Variants in GHR observed in about 807,000 individuals in gnomAD.
GHR encodes growth hormone receptor, also known as GH receptor.
A neutral mutation model predicts 67.1 loss-of-function variants in GHR; 35 were observed. The ratio of observed to expected loss-of-function variants is 0.52; its 90% CI spans 0.40 to 0.69. The LOEUF is 0.69. GHR is among the 30% of genes least tolerant of loss of function. The pLI, the probability that GHR is intolerant of heterozygous loss-of-function variation, is 0.00. For synonymous variants in GHR, 272 were observed against 269.1 expected, an observed-to-expected ratio of 1.01 and a Z score of -0.10; for missense variants, 792 against 764.6, an observed-to-expected ratio of 1.04 and a Z score of -0.42.
intron 6 of GHR, among the ~76,000 whole-genome samples, chr5:42,706,931 T>A (rs1758204534): frequency 6.6e-6 from 1 of 152,134 alleles, no homozygotes; most frequent in East Asian, 1.9e-4. Context: ...AAAATTACAT[T>A]GATAATTTGA....
Position 42,694,957 on chromosome 5 carries a change from G to A in GHR, c.307G>A (p.Asp103Asn), listed in dbSNP as rs1180863009. 7 of 1,611,392 alleles carry A rather than the reference G, an allele frequency of 4.3e-6. No individual in the cohort carries two copies. The highest frequency in any genetic ancestry group is 5.9e-6 in the Non-Finnish European group (7 of 1,178,202). ...GACTCAAGAATGGAAAGAATGCCCTGATTATGTTTCTGCTGGGGAAAACAG... is the reference window on the plus strand; with the variant it reads ...GACTCAAGAATGGAAAGAATGCCCTAATTATGTTTCTGCTGGGGAAAACAG... The part of the protein sequence containing the change: ...EWTQEWKECP[D>N]YVSAGENSCY... Residue 103 changes from aspartate to asparagine, a missense_variant, in exon 5 of 10, where the codon GAT becomes AAT. Asp to Asn is a conservative substitution (Grantham distance 23). Transcript: ENST00000230882.
rs147761377 is a variant in GHR, at chr5:42,632,847, T to G, written c.136+3744T>G. Among the ~76,000 whole-genome samples the G allele has an allele frequency of 6.0e-4, 92 of 152,318 alleles. 1 individual carries two copies. The highest frequency in any genetic ancestry group is 2.1e-3 in the African/African-American group (88 of 41,574). Reference sequence around the variant, plus strand: ...ACAACTTTTTTATATTTTAAAGAAGTAATGCTATAATTTTACTACAAAGAA... The same window carrying G: ...ACAACTTTTTTATATTTTAAAGAAGGAATGCTATAATTTTACTACAAAGAA... On this transcript the variant is annotated intron_variant, in intron 3 of 9. Transcript: ENST00000230882.
In GHR at chr5:42,721,340, T is replaced by G. The variant is rs886060650; in HGVS notation, c.*1916T>G. On this transcript the variant is annotated 3_prime_UTR_variant, in exon 10 of 10. Transcript: ENST00000230882. ...TTAAAAAAGCTTAAAACTTTGAAGTTAGCTTTAACTTAAATAGTATTTCCC... is the reference window on the plus strand; with the variant it reads ...TTAAAAAAGCTTAAAACTTTGAAGTGAGCTTTAACTTAAATAGTATTTCCC... 4 of 152,250 alleles carry G rather than the reference T, an allele frequency of 2.6e-5. No homozygotes were observed. The South Asian group carries it at 8.3e-4, about 31-fold the overall frequency. The allele number at this position is 152,250 out of a possible 1,614,324, so 9.4% of individuals were successfully genotyped here. A position where few individuals can be genotyped will look rare whatever the true frequency, so the allele number is the denominator to read the frequency against.
At chr5:42,592,476 C>T (rs952184115) in intron 2 of GHR, among the ~76,000 whole-genome samples, 1 of 152,182 alleles carries the variant, frequency 6.6e-6, no homozygotes, top group Non-Finnish European at 1.5e-5. Context: ...TTTATGTGTA[C>T]TCAGTGTTTA....
chr5:42,437,491 T>C (rs1163106885), intron 1 of GHR, among the ~76,000 whole-genome samples: 1 of 151,902 alleles, frequency 6.6e-6, no homozygotes, highest in Non-Finnish European at 1.5e-5. Flanking sequence ...TCTGAGAAAA[T>C]TTAAGTTGAA....
chr5:42,425,582 T>G (rs910620805), intron 1 of GHR, among the ~76,000 whole-genome samples: 2 of 152,178 alleles, frequency 1.3e-5, no homozygotes, highest in African/African-American at 2.4e-5. Flanking sequence ...TCTTTTTCCT[T>G]TTGAGAAAAG....
intron 3 of GHR, among the ~76,000 whole-genome samples, chr5:42,660,430 A>G (rs1755525929): frequency 6.6e-6 from 1 of 152,212 alleles, no homozygotes; most frequent in African/African-American, 2.4e-5. Flanking sequence ...AGGAACGATC[A>G]GGCAGCAGCA....
At chr5:42,687,003 C>A (rs1277137277) in intron 3 of GHR, among the ~76,000 whole-genome samples, 8 of 152,122 alleles carry the variant, frequency 5.3e-5, no homozygotes, top group Non-Finnish European at 8.8e-5. Flanking sequence ...AATCAAAGTG[C>A]AAAAATCACA....
At chr5:42,560,444 G>A (rs1306928573) in intron 1 of GHR, among the ~76,000 whole-genome samples, 1 of 152,060 alleles carries the variant, frequency 6.6e-6, no homozygotes, top group Non-Finnish European at 1.5e-5. Flanking sequence ...CACCTGCCTC[G>A]GCCTCCCAAA....
intron 1 of GHR, among the ~76,000 whole-genome samples, chr5:42,464,934 T>C (rs13155002): frequency 0.021 from 3,170 of 152,346 alleles, 48 homozygotes; most frequent in Admixed American, 0.032. Context: ...TGCACTGGAA[T>C]ATATTTATTT....
Position 42,630,228 on chromosome 5 carries a change from T to C in GHR, c.136+1125T>C, listed in dbSNP as rs1753873294. On this transcript the variant is annotated intron_variant, in intron 3 of 9. Transcript: ENST00000230882. Reference sequence around the variant, plus strand: ...GAACTTTAAGGCAAAGCCTAAACTTTATGCTTCTTCTAAATCCCTTACATC... The same window carrying C: ...GAACTTTAAGGCAAAGCCTAAACTTCATGCTTCTTCTAAATCCCTTACATC... 2.3e-5 allele frequency among the ~76,000 whole-genome samples: 3 copies of C among 132,558 alleles called. 1 individual carries two copies. The highest frequency in any genetic ancestry group is 9.5e-5 in the African/African-American group (3 of 31,540). The allele number at this position is 132,558 out of a possible 152,430, so 87.0% of individuals were successfully genotyped here.
At chr5:42,548,404 T>G in intron 1 of GHR, 1 of 984,908 alleles carries the variant, frequency 1.0e-6, no homozygotes, top group African/African-American at 1.7e-5. Context: ...ACCAAATCAG[T>G]GTGATGTGAT....
At chr5:42,678,764 G>A (rs1412123750) in intron 3 of GHR, among the ~76,000 whole-genome samples, 1 of 151,754 alleles carries the variant, frequency 6.6e-6, no homozygotes, top group Non-Finnish European at 1.5e-5. Flanking sequence ...TTCTCAAACT[G>A]AAAGTAGTGA....
At chr5:42,643,175 AAAG>A (rs1368152839) in intron 3 of GHR, among the ~76,000 whole-genome samples, 3 of 152,182 alleles carry the variant, frequency 2.0e-5, no homozygotes, top group African/African-American at 7.2e-5. Flanking sequence ...ATTATCCTAT[AAAG>A]AATGTTGGCT....
chr5:42,618,601 A>G (rs891552524), intron 2 of GHR, among the ~76,000 whole-genome samples: 7 of 152,184 alleles, frequency 4.6e-5, no homozygotes, highest in Middle Eastern at 3.2e-3. Context: ...AAGATACAGC[A>G]TAAGACATAA....
At chr5:42,686,361 C>G (rs948038634) in intron 3 of GHR, among the ~76,000 whole-genome samples, 1 of 124,426 alleles carries the variant, frequency 8.0e-6, no homozygotes, top group Admixed American at 8.3e-5. Context: ...AGTATGAAGT[C>G]AGAGACACAA....
At chr5:42,426,589 T>C (rs1409052747) in intron 1 of GHR, among the ~76,000 whole-genome samples, 1 of 152,218 alleles carries the variant, frequency 6.6e-6, no homozygotes, top group Non-Finnish European at 1.5e-5. Context: ...AGCCAATACT[T>C]TTTCTTCTTT....
At chr5:42,469,973 ATG>A (rs1744924498) in intron 1 of GHR, among the ~76,000 whole-genome samples, 1 of 151,424 alleles carries the variant, frequency 6.6e-6, no homozygotes, top group African/African-American at 2.4e-5. Context: ...CACCTCCTAA[ATG>A]GGGTAAGAGT....
At chr5:42,585,728 A>G (rs1751441493) in intron 2 of GHR, among the ~76,000 whole-genome samples, 1 of 152,210 alleles carries the variant, frequency 6.6e-6, no homozygotes, top group Admixed American at 6.5e-5. Flanking sequence ...AAGATGCATA[A>G]AATACTCAGT....
Sources: allele counts gnomAD v4.1 joint callset (sites outside exome capture counted in the v4.1 genomes callset), GRCh38; gene constraint gnomAD v4.1.1; transcripts MANE v1.5; gene names NCBI Gene and HGNC (gene_info 2026-07-23, HGNC 2026-07-21).